Variants in NRXN3 observed in about 807,000 individuals in gnomAD.
The protein encoded by NRXN3 is neurexin 3, also known as neurexin III.
Under a neutral mutation model 137.6 loss-of-function variants are expected in NRXN3, and 32 were observed. The ratio of observed to expected loss-of-function variants is 0.23; its 90% confidence interval spans 0.18 to 0.31. NRXN3 has a LOEUF of 0.31. Ranked by LOEUF, NRXN3 falls within the 10% of genes least tolerant of loss-of-function variation. The pLI is 1.00. For missense variants in NRXN3, 1,574 were observed against 2,062.5 expected, an observed-to-expected ratio of 0.76 and a Z score of 4.59; for synonymous variants, 798 against 784.5, an observed-to-expected ratio of 1.02 and a Z score of -0.29.
chr14:79,508,439 G>A (rs2096900790), intron 16 of NRXN3, among the ~76,000 whole-genome samples: 2 of 108,226 alleles, frequency 1.8e-5, no homozygotes, highest in African/African-American at 7.4e-5. Flanking sequence ...GCCCAGGTTG[G>A]AGTGCAGTGG....
At chr14:78,382,345 A>T (rs750103094) in intron 4 of NRXN3, among the ~76,000 whole-genome samples, 59 of 152,300 alleles carry the variant, frequency 3.9e-4, no homozygotes, top group Admixed American at 1.8e-3. Flanking sequence ...ATACTCTATA[A>T]TAGCTGTGGG....
chr14:79,808,333 A>T (rs1003708762), intron 20 of NRXN3, among the ~76,000 whole-genome samples: 8 of 151,416 alleles, frequency 5.3e-5, no homozygotes, highest in African/African-American at 1.9e-4. Flanking sequence ...TACAGATTAA[A>T]ATCAGAAATC....
At chr14:79,140,043 G>T (rs193051344) in intron 15 of NRXN3, among the ~76,000 whole-genome samples, 87 of 151,782 alleles carry the variant, frequency 5.7e-4, no homozygotes, top group African/African-American at 1.8e-3. Context: ...TTGTTCATTT[G>T]GAACGCTGTA....
rs141971841 is a variant in NRXN3 at position 79,395,625 on chromosome 14, G to T, written c.3263-71596G>T. On this transcript the variant is annotated intron_variant, in intron 15 of 20. Coordinates refer to ENST00000335750, the MANE Select transcript of NRXN3 (RefSeq NM_001330195.2). ...AGATCAAGGCCATCCTGGCTAACAT[G>T]GTGAAACCCCATCTCTACTAAAAAT... 1.4e-4 allele frequency among the ~76,000 whole-genome samples: 22 copies of T among 152,110 alleles called. No individual in the cohort carries two copies. In the East Asian group the frequency reaches 4.3e-3, roughly 30 times the overall value.
chr14:79,572,628 T>C (rs1406076922), intron 16 of NRXN3, among the ~76,000 whole-genome samples: 1 of 152,158 alleles, frequency 6.6e-6, no homozygotes, highest in Non-Finnish European at 1.5e-5. Context: ...AGAGTAGAGA[T>C]TCAGTTCATT....
rs183221654 is a variant in NRXN3 at position 79,445,802 on chromosome 14, G to A, written c.3263-21419G>A. On this transcript the variant is annotated intron_variant, in intron 15 of 20. Coordinates refer to ENST00000335750, the MANE Select transcript of NRXN3 (RefSeq NM_001330195.2). ...TATGAGGCCAGGTAAAGTAAGAAAG[G>A]TTGGCAAGGGTCAGATCATGGAGGG... is the stretch of plus-strand genomic sequence containing the variant. Among the ~76,000 whole-genome samples the A allele has an allele frequency of 1.9e-3, 289 of 152,268 alleles. 1 individual carries two copies. Among genetic ancestry groups the A allele is most frequent in the African/African-American group, 6.2e-3 (258 of 41,566 alleles).
intron 8 of NRXN3, among the ~76,000 whole-genome samples, chr14:78,784,808 G>A (rs868513977): frequency 2.6e-4 from 40 of 152,136 alleles, no homozygotes; most frequent in Admixed American, 6.5e-4. Context: ...TGACAGTAGA[G>A]TCAATGAGCC....
At chr14:79,624,949 A>G (rs1315394516) in intron 16 of NRXN3, among the ~76,000 whole-genome samples, 1 of 151,926 alleles carries the variant, frequency 6.6e-6, no homozygotes, top group Non-Finnish European at 1.5e-5. Context: ...GACTACAGGC[A>G]TCCACCACCA....
At chr14:79,058,502 T>G (rs767577106) in intron 15 of NRXN3, among the ~76,000 whole-genome samples, 37 of 152,046 alleles carry the variant, frequency 2.4e-4, no homozygotes, top group Non-Finnish European at 4.7e-4. Context: ...ATATATATTT[T>G]TAATATTAGA....
intron 4 of NRXN3, among the ~76,000 whole-genome samples, chr14:78,499,802 G>C (rs1023573448): frequency 1.3e-5 from 2 of 152,150 alleles, no homozygotes; most frequent in Non-Finnish European, 2.9e-5. Flanking sequence ...TTCACTAGAG[G>C]CTGCCCTCAG....
At chr14:79,175,945 G>A (rs1030099319) in intron 15 of NRXN3, among the ~76,000 whole-genome samples, 1 of 152,324 alleles carries the variant, frequency 6.6e-6, no homozygotes, top group South Asian at 2.1e-4. Context: ...CTGTAGTAGC[G>A]CTCTAGGCAA....
chr14:79,401,317 C>T (rs2095187421), intron 15 of NRXN3, among the ~76,000 whole-genome samples: 1 of 152,110 alleles, frequency 6.6e-6, no homozygotes, highest in Non-Finnish European at 1.5e-5. Context: ...CTGTTTGTCA[C>T]CCTGTACTTA....
At chr14:79,358,812 C>G (rs2093581221) in intron 15 of NRXN3, among the ~76,000 whole-genome samples, 1 of 151,876 alleles carries the variant, frequency 6.6e-6, no homozygotes, top group African/African-American at 2.4e-5. Context: ...TTAGAAAGGC[C>G]AAACCACTAC....
intron 15 of NRXN3, among the ~76,000 whole-genome samples, chr14:79,030,490 C>T (rs2152487930): frequency 6.6e-6 from 1 of 152,130 alleles, no homozygotes; most frequent in South Asian, 2.1e-4. Context: ...TTAGCTGCAG[C>T]CTTTTCCCAA....
At chr14:79,138,731 A>G (rs2058500402) in intron 15 of NRXN3, among the ~76,000 whole-genome samples, 1 of 152,222 alleles carries the variant, frequency 6.6e-6, no homozygotes, top group Admixed American at 6.5e-5. Flanking sequence ...ACTTGCCTGA[A>G]ACATCAGGCT....
chr14:79,864,706 G>A lies in NRXN3; in HGVS notation c.*2742G>A, dbSNP rs935988814. 6.6e-6 allele frequency: 1 copy of A among 152,064 alleles called. No individual in the cohort carries two copies. The highest frequency in any genetic ancestry group is 2.4e-5 in the African/African-American group (1 of 41,402). 9.4% of individuals were successfully genotyped at this position (152,064 alleles called of 1,614,324 possible). Reference sequence around the variant, plus strand: ...CATTGTATTCTAGAAAAGATTATTGGATACTATGGTTTTGTTTGTTTGTTT... The same window carrying A: ...CATTGTATTCTAGAAAAGATTATTGAATACTATGGTTTTGTTTGTTTGTTT... On this transcript the variant is annotated 3_prime_UTR_variant, in exon 21 of 21. Coordinates refer to ENST00000335750, the MANE Select transcript of NRXN3 (RefSeq NM_001330195.2).
chr14:78,855,769 A>G (rs1481867283), intron 10 of NRXN3, among the ~76,000 whole-genome samples: 3 of 152,194 alleles, frequency 2.0e-5, no homozygotes, highest in Non-Finnish European at 2.9e-5. Context: ...TCATGATTGT[A>G]TACCTTCCTA....
chr14:79,149,473 C>T (rs2059602992), intron 15 of NRXN3, among the ~76,000 whole-genome samples: 2 of 151,848 alleles, frequency 1.3e-5, no homozygotes, highest in African/African-American at 4.8e-5. Flanking sequence ...TTGTATCTTT[C>T]AGAAAAAATC....
intron 4 of NRXN3, among the ~76,000 whole-genome samples, chr14:78,301,589 C>T (rs1449561042): frequency 1.3e-5 from 2 of 152,156 alleles, no homozygotes; most frequent in Non-Finnish European, 1.5e-5. Flanking sequence ...TCTAGTCTTC[C>T]CTGTTTCCTC....
Sources: gnomAD v4.1 joint callset for allele counts (sites outside exome capture counted in the v4.1 genomes callset) on GRCh38, gnomAD v4.1.1 for gene constraint, MANE v1.5 for transcripts, NCBI Gene and HGNC (gene_info 2026-07-23, HGNC 2026-07-21) for gene names.